The following LRRC56 variants were observed in gnomAD, a reference collection of about 807,000 sequenced individuals.
LRRC56 encodes leucine-rich repeat-containing protein 56.
Under a neutral mutation model 47.8 loss-of-function variants are expected in LRRC56, and 41 were observed. That is an observed-to-expected ratio of 0.86 (90% CI 0.67 to 1.11). The LOEUF is 1.11. LRRC56 is among the 50% of genes most tolerant of loss of function. The probability of loss-of-function intolerance (pLI) is 0.00; values close to 1 mark genes in which losing one functional copy is unlikely to be tolerated. For missense variants in LRRC56, 759 were observed against 704.2 expected, an observed-to-expected ratio of 1.08 and a Z score of -0.88; for synonymous variants, 387 against 311.2, an observed-to-expected ratio of 1.24 and a Z score of -2.56.
At chr11:535,760 C>T (rs1170632987), upstream of LRRC56, among the ~76,000 whole-genome samples, 1 of 152,124 alleles carries the variant, frequency 6.6e-6, no homozygotes, top group Non-Finnish European at 1.5e-5. Context: ...CGGGGTTGGG[C>T]TTGGCTGGAG....
At chr11:513,342 G>A in the LRRC56 span, among the ~76,000 whole-genome samples, 1 of 152,132 alleles carries the variant, frequency 6.6e-6, no homozygotes. Flanking sequence ...ATTAGAGACA[G>A]GGTTTCACCA....
In LRRC56 at chr11:553,985, G is replaced by C. The variant is rs752489771; in HGVS notation, c.1338G>C (p.Gln446His). The C allele has an allele frequency of 1.9e-6, 3 of 1,612,054 alleles. No individual in the cohort carries two copies. The African/African-American group carries it at 4.0e-5, about 22-fold the overall frequency. ...LASEPSGTSSQHLVPSPPKHP... is the reference protein window; with the variant it reads ...LASEPSGTSSHHLVPSPPKHP... ...TAGAGCCCTCCGGGACCTCGAGCCA[G>C]CACCTGGTCCCTTCACCTCCCAAGC... The change falls in exon 14 of 14, where the codon CAG becomes CAC. Residue 446 changes from glutamine (Q) to histidine (H), a missense_variant. Coordinates refer to ENST00000270115, the MANE Select transcript of LRRC56 (RefSeq NM_198075.4).
upstream of LRRC56, chr11:532,747 C>T (rs2133982634): frequency 6.2e-7 from 1 of 1,612,834 alleles, no homozygotes; most frequent in Non-Finnish European, 8.5e-7. Flanking sequence ...AGAAGGCATC[C>T]TCCACTCCCT....
chr11:547,017 A>G (rs746533662), intron 6 of LRRC56, among the ~76,000 whole-genome samples: 6 of 151,982 alleles, frequency 3.9e-5, no homozygotes, highest in Non-Finnish European at 8.8e-5. Context: ...AGATTGCTCC[A>G]TTGCACTCCA....
At position 552,620 on chromosome 11, in the gene LRRC56, C is replaced by T. The variant is rs1332627283; in HGVS notation, c.1233C>T (p.Pro411=). 6 of 1,610,166 alleles carry T rather than the reference C, an allele frequency of 3.7e-6. No individual in the cohort carries two copies. The highest frequency in any genetic ancestry group is 5.1e-6 in the Non-Finnish European group (6 of 1,178,432). Residue 411 remains proline, a synonymous_variant, in exon 13 of 14, where the codon CCC becomes CCT. Coordinates refer to ENST00000270115, the MANE Select transcript of LRRC56 (RefSeq NM_198075.4). ...CCCAACAGGAAGGGGCTGTAGCCCC[C>T]TGGGGCCCACGGAGGGTCCCTGAAG... ...PESQQEGAVA[P]WGPRRVPEEQ...
chr11:532,614 C>T (rs1373059919), upstream of LRRC56: 3 of 1,606,636 alleles, frequency 1.9e-6, no homozygotes, highest in Non-Finnish European at 1.7e-6. Flanking sequence ...GGCGGCCGCC[C>T]TGGGAGTCCC....
chr11:539,344 C>T (rs1851672412), intron 2 of LRRC56, among the ~76,000 whole-genome samples: 1 of 149,150 alleles, frequency 6.7e-6, no homozygotes, highest in African/African-American at 2.5e-5. Flanking sequence ...CTCAGCCTCC[C>T]AAAGTGCTGG....
intron 5 of LRRC56, 23 bp from the exon 6 acceptor site, chr11:544,697 C>G: frequency 1.2e-6 from 2 of 1,611,686 alleles, no homozygotes; most frequent in Non-Finnish European, 1.7e-6. Context: ...CCGGGCCAAC[C>G]TCCTCCTCCT....
At chr11:507,760 C>T in the LRRC56 span, among the ~76,000 whole-genome samples, 3 of 152,162 alleles carry the variant, frequency 2.0e-5, no homozygotes, top group African/African-American at 7.2e-5. Context: ...TCGTTTGCGC[C>T]GAGCTCGCGA....
chr11:520,713 G>A, the LRRC56 span, among the ~76,000 whole-genome samples: 1 of 151,968 alleles, frequency 6.6e-6, no homozygotes, highest in South Asian at 2.1e-4. Flanking sequence ...AGAGCCCCCC[G>A]AGTCGCCCTC....
chr11:535,855 G>A (rs549787836), upstream of LRRC56, among the ~76,000 whole-genome samples: 1 of 152,196 alleles, frequency 6.6e-6, no homozygotes, highest in Admixed American at 6.5e-5. Flanking sequence ...GCAGGGCCCC[G>A]GGCTCTCCCG....
intron 5 of LRRC56, among the ~76,000 whole-genome samples, chr11:543,540 G>A (rs1851911071): frequency 6.6e-6 from 1 of 152,150 alleles, no homozygotes; most frequent in African/African-American, 2.4e-5. Context: ...GAGCAGGGAA[G>A]CGTCTTCCCA....
Position 539,181 on chromosome 11 carries a change from T to C in LRRC56, c.-159+321T>C, listed in dbSNP as rs559044447. On this transcript the variant is annotated intron_variant, in intron 2 of 13. Coordinates refer to ENST00000270115, the MANE Select transcript of LRRC56 (RefSeq NM_198075.4). ...CTGCAAGCTCCACCTCCTGGGTTCATGCCATTCCCCAGCCTCAGCCTCCCA... is the reference window on the plus strand; with the variant it reads ...CTGCAAGCTCCACCTCCTGGGTTCACGCCATTCCCCAGCCTCAGCCTCCCA... Among the ~76,000 whole-genome samples the C allele has an allele frequency of 9.5e-4, 144 of 152,226 alleles. 1 individual carries two copies. The highest frequency in any genetic ancestry group is 5.2e-3 in the Admixed American group (79 of 15,290).
At chr11:518,280 C>T in the LRRC56 span, among the ~76,000 whole-genome samples, 14,784 of 151,694 alleles carry the variant, frequency 0.097, 990 homozygotes, top group Admixed American at 0.19. Context: ...CTCCCGGGTT[C>T]ACGCCATTCT....
intron 13 of LRRC56, 64 bp downstream of exon 13, chr11:552,766 G>A (rs1852481411): frequency 5.6e-6 from 8 of 1,428,202 alleles, no homozygotes; most frequent in Non-Finnish European, 7.6e-6. Flanking sequence ...TTCTATAGGG[G>A]GGCCCTTACC....
chr11:547,799 C>G (rs538827791), intron 6 of LRRC56, among the ~76,000 whole-genome samples: 3 of 152,072 alleles, frequency 2.0e-5, no homozygotes, highest in African/African-American at 7.2e-5. Flanking sequence ...CAAAATAGTT[C>G]CAAAGGAAAA....
the LRRC56 span, chr11:507,217 C>T: frequency 1.3e-5 from 2 of 152,150 alleles, no homozygotes; most frequent in Non-Finnish European, 1.5e-5. Context: ...CAACCCCACC[C>T]GCCAGTCAGC....
the LRRC56 span, among the ~76,000 whole-genome samples, chr11:512,445 G>A: frequency 2.6e-5 from 4 of 152,128 alleles, no homozygotes; most frequent in African/African-American, 4.8e-5. Context: ...GTGGTGGCCA[G>A]GCTGGTCTCA....
At chr11:519,186 C>A in the LRRC56 span, among the ~76,000 whole-genome samples, 1 of 152,256 alleles carries the variant, frequency 6.6e-6, no homozygotes, top group Non-Finnish European at 1.5e-5. Flanking sequence ...ACCCGCAGTT[C>A]ACCCCTGAGC....
Sources: gnomAD v4.1 joint callset for allele counts (sites outside exome capture counted in the v4.1 genomes callset) on GRCh38, gnomAD v4.1.1 for gene constraint, MANE v1.5 for transcripts, NCBI Gene and HGNC (gene_info 2026-07-23, HGNC 2026-07-21) for gene names.